Variants in C1QTNF3 observed in about 807,000 individuals in gnomAD.
The protein encoded by C1QTNF3 is complement C1q tumor necrosis factor-related protein 3.
In C1QTNF3, 26 loss-of-function variants were observed where a neutral mutation model predicts 32.6. That is an observed-to-expected ratio of 0.80 (90% CI 0.58 to 1.11). The LOEUF is 1.11. Ranked by LOEUF, C1QTNF3 falls within the 50% of genes least tolerant of loss-of-function variation. The pLI is 0.00. For missense variants in C1QTNF3, 362 were observed against 398.2 expected, an observed-to-expected ratio of 0.91 and a Z score of 0.77; for synonymous variants, 155 against 146.0, an observed-to-expected ratio of 1.06 and a Z score of -0.44.
the C1QTNF3 span, among the ~76,000 whole-genome samples, chr5:34,060,276 A>C: frequency 6.6e-6 from 1 of 152,166 alleles, no homozygotes; most frequent in African/African-American, 2.4e-5. Context: ...TAGTGCAAAC[A>C]CCTTAGAGTG....
chr5:34,139,846 G>A, the C1QTNF3 span, among the ~76,000 whole-genome samples: 1 of 152,174 alleles, frequency 6.6e-6, no homozygotes, highest in African/African-American at 2.4e-5. Flanking sequence ...AAAAGAATAT[G>A]TTTATCTGAA....
the C1QTNF3 span, among the ~76,000 whole-genome samples, chr5:34,079,554 A>G: frequency 6.6e-6 from 1 of 151,750 alleles, no homozygotes; most frequent in Non-Finnish European, 1.5e-5. Context: ...TATCAAATGA[A>G]TGGATTAAAA....
the C1QTNF3 span, among the ~76,000 whole-genome samples, chr5:34,134,911 A>C: frequency 4.6e-5 from 7 of 152,176 alleles, no homozygotes; most frequent in East Asian, 1.2e-3. Flanking sequence ...AATACCCTTT[A>C]TTTCTTTCTC....
chr5:34,130,193 GCATTTAATA>G, the C1QTNF3 span, among the ~76,000 whole-genome samples: 5 of 151,316 alleles, frequency 3.3e-5, no homozygotes, highest in African/African-American at 1.2e-4. Flanking sequence ...ATATTTCCCA[GCATTTAATA>G]CATTTAATAT....
chr5:34,153,932 G>T, the C1QTNF3 span, among the ~76,000 whole-genome samples: 2 of 149,592 alleles, frequency 1.3e-5, no homozygotes, highest in Admixed American at 1.3e-4. Context: ...TAACTGACTT[G>T]ATTGTTGTTA....
chr5:34,159,833 TA>T, the C1QTNF3 span, among the ~76,000 whole-genome samples: 3,574 of 143,572 alleles, frequency 0.025, 139 homozygotes, highest in African/African-American at 0.081. Context: ...ATTAAAGCAT[TA>T]AAAAAAAAAA....
chr5:34,147,107 C>A, the C1QTNF3 span, among the ~76,000 whole-genome samples: 1 of 151,494 alleles, frequency 6.6e-6, no homozygotes, highest in Non-Finnish European at 1.5e-5. Flanking sequence ...GATACTATCT[C>A]ATGCCACTCA....
upstream of C1QTNF3, among the ~76,000 whole-genome samples, chr5:34,045,274 T>C (rs1274037803): frequency 6.6e-6 from 1 of 152,236 alleles, no homozygotes; most frequent in African/African-American, 2.4e-5. Context: ...TCCTGTCATC[T>C]ATTCTAGTGG....
At chr5:34,166,987 A>G in the C1QTNF3 span, 1 of 152,296 alleles carries the variant, frequency 6.6e-6, no homozygotes, top group South Asian at 2.1e-4. Context: ...TTTGTGCTCA[A>G]AAGTGGTTCA....
the C1QTNF3 span, among the ~76,000 whole-genome samples, chr5:34,148,049 G>T: frequency 1.3e-5 from 2 of 151,916 alleles, no homozygotes. Flanking sequence ...CCTGGGAAGC[G>T]CAAGGGGTCA....
the C1QTNF3 span, among the ~76,000 whole-genome samples, chr5:34,210,311 T>C: frequency 6.2e-4 from 95 of 152,166 alleles, no homozygotes; most frequent in East Asian, 0.017. Flanking sequence ...ATATGGCACA[T>C]ACTACGTCAT....
At chr5:34,174,812 T>A in the C1QTNF3 span, among the ~76,000 whole-genome samples, 1 of 152,196 alleles carries the variant, frequency 6.6e-6, no homozygotes, top group Non-Finnish European at 1.5e-5. Context: ...CAATCTCGGC[T>A]CACTGCAAGC....
the C1QTNF3 span, among the ~76,000 whole-genome samples, chr5:34,140,648 A>G: frequency 3.9e-5 from 6 of 152,220 alleles, no homozygotes; most frequent in African/African-American, 1.4e-4. Context: ...TATGGGGATT[A>G]GAAAGTCTGC....
At chr5:34,065,877 C>T in the C1QTNF3 span, among the ~76,000 whole-genome samples, 1 of 152,106 alleles carries the variant, frequency 6.6e-6, no homozygotes, top group African/African-American at 2.4e-5. Context: ...GACATGTGGA[C>T]TCATATGTTC....
At chr5:34,068,541 A>AGAGG in the C1QTNF3 span, among the ~76,000 whole-genome samples, 2 of 152,146 alleles carry the variant, frequency 1.3e-5, no homozygotes, top group East Asian at 3.9e-4. Context: ...AGAGAGAGAG[A>AGAGG]GAGGGAGAGA....
At chr5:34,127,483 C>G in the C1QTNF3 span, among the ~76,000 whole-genome samples, 5 of 152,050 alleles carry the variant, frequency 3.3e-5, no homozygotes, top group South Asian at 1.0e-3. Context: ...TCCTAGAGAT[C>G]TGTTAAGCTT....
chr5:34,213,777 GTATATATACATATATA>G, the C1QTNF3 span, among the ~76,000 whole-genome samples: 2 of 26,536 alleles, frequency 7.5e-5, no homozygotes, highest in African/African-American at 2.1e-4. Flanking sequence ...ACACATACGT[GTATATATACATATATA>G]TATATATATA....
the C1QTNF3 span, among the ~76,000 whole-genome samples, chr5:34,057,906 C>T: frequency 3.9e-5 from 6 of 152,308 alleles, no homozygotes; most frequent in South Asian, 2.1e-4. Context: ...TGCCAGTGTT[C>T]GTGCCATGCC....
chr5:34,243,680 T>G, the C1QTNF3 span, among the ~76,000 whole-genome samples: 1 of 151,840 alleles, frequency 6.6e-6, no homozygotes, highest in Non-Finnish European at 1.5e-5. Flanking sequence ...TGGATGGAGC[T>G]AAGGACATAA....
Sources: allele counts gnomAD v4.1 joint callset (sites outside exome capture counted in the v4.1 genomes callset), GRCh38; gene constraint gnomAD v4.1.1; transcripts MANE v1.5; gene names NCBI Gene and HGNC (gene_info 2026-07-23, HGNC 2026-07-21).